Variants in SLC9A9 observed in about 807,000 individuals in gnomAD.
SLC9A9 encodes solute carrier family 9 member A9, also known as sodium/hydrogen exchanger 9.
A neutral mutation model predicts 77.8 loss-of-function variants in SLC9A9; 62 were observed. The ratio of observed to expected loss-of-function variants is 0.80; its 90% CI spans 0.65 to 0.98. The LOEUF (loss-of-function observed/expected upper bound fraction) is 0.98, where lower values mean the gene tolerates loss of function less well. SLC9A9 is among the 50% of genes least tolerant of loss of function. The pLI is 0.00. For missense variants in SLC9A9, 775 were observed against 774.9 expected, an observed-to-expected ratio of 1.00 and a Z score of 0.00; for synonymous variants, 320 against 283.5, an observed-to-expected ratio of 1.13 and a Z score of -1.29.
chr3:143,426,146 A>C (rs1247897419), intron 12 of SLC9A9, among the ~76,000 whole-genome samples: 1 of 152,148 alleles, frequency 6.6e-6, no homozygotes, highest in Non-Finnish European at 1.5e-5. Context: ...ACAAGAGGCA[A>C]TTTTCCCATT....
intron 4 of SLC9A9, among the ~76,000 whole-genome samples, chr3:143,780,348 C>A (rs1212560744): frequency 6.6e-6 from 1 of 152,086 alleles, no homozygotes; most frequent in Non-Finnish European, 1.5e-5. Flanking sequence ...GACGTTGGCA[C>A]ATTACATGCA....
chr3:143,268,191 T>G (rs1937786258), intron 15 of SLC9A9, among the ~76,000 whole-genome samples: 1 of 152,158 alleles, frequency 6.6e-6, no homozygotes, highest in South Asian at 2.1e-4. Context: ...TTCCCTGACC[T>G]CTGATTTGTG....
intron 12 of SLC9A9, among the ~76,000 whole-genome samples, chr3:143,435,364 TTG>T (rs1266154500): frequency 5.3e-5 from 8 of 152,284 alleles, no homozygotes; most frequent in Admixed American, 2.0e-4. Flanking sequence ...TCCAATGGCG[TTG>T]TGTTTCTTAG....
intron 13 of SLC9A9, among the ~76,000 whole-genome samples, chr3:143,372,802 G>T (rs2033087368): frequency 6.6e-6 from 1 of 152,058 alleles, no homozygotes; most frequent in South Asian, 2.1e-4. Context: ...CAAATGACAT[G>T]AATAGACATT....
At chr3:143,647,202 G>T (rs924272852) in intron 6 of SLC9A9, among the ~76,000 whole-genome samples, 2 of 152,172 alleles carry the variant, frequency 1.3e-5, no homozygotes, top group Non-Finnish European at 2.9e-5. Context: ...CCAAGGCGCA[G>T]GGGGATTGAG....
At chr3:143,626,876 CTT>C (rs61283423) in intron 6 of SLC9A9, 84,095 of 144,752 alleles carry the variant, frequency 0.58, 24,095 homozygotes, top group African/African-American at 0.64. Context: ...GCACTAGCTC[CTT>C]TTTTTTTTTT....
chr3:143,564,577 C>T (rs1184756529), intron 8 of SLC9A9, among the ~76,000 whole-genome samples: 1 of 152,042 alleles, frequency 6.6e-6, no homozygotes, highest in African/African-American at 2.4e-5. Context: ...TGAAAGTGAA[C>T]CTGGAACTGA....
intron 4 of SLC9A9, among the ~76,000 whole-genome samples, chr3:143,775,662 C>A (rs1482468198): frequency 6.6e-6 from 1 of 152,188 alleles, no homozygotes; most frequent in Admixed American, 6.5e-5. Context: ...TGGAACGGAA[C>A]TTTAGCTTCC....
intron 6 of SLC9A9, among the ~76,000 whole-genome samples, chr3:143,629,540 G>A (rs139485455): frequency 1.0e-3 from 155 of 151,800 alleles, no homozygotes; most frequent in African/African-American, 3.6e-3. Context: ...TGCTAAATCT[G>A]GTAGCCCTAC....
chr3:143,554,117 T>A (rs2108640692), intron 8 of SLC9A9, among the ~76,000 whole-genome samples: 1 of 152,298 alleles, frequency 6.6e-6, no homozygotes, highest in East Asian at 1.9e-4. Flanking sequence ...AGAGAAGTAG[T>A]GAATAAAAGG....
intron 12 of SLC9A9, among the ~76,000 whole-genome samples, chr3:143,424,801 G>A (rs1435808708): frequency 6.6e-6 from 1 of 152,210 alleles, no homozygotes; most frequent in African/African-American, 2.4e-5. Flanking sequence ...CACAGGTGCT[G>A]GGTTTTAATT....
intron 6 of SLC9A9, among the ~76,000 whole-genome samples, chr3:143,631,468 T>C (rs1382125633): frequency 6.6e-6 from 1 of 152,170 alleles, no homozygotes; most frequent in Non-Finnish European, 1.5e-5. Flanking sequence ...TTGTTCAATA[T>C]TACAGGTGAC....
At chr3:143,381,715 T>C (rs143201364) in intron 13 of SLC9A9, among the ~76,000 whole-genome samples, 151 of 152,338 alleles carry the variant, frequency 9.9e-4, no homozygotes, top group Middle Eastern at 3.4e-3. Flanking sequence ...GCATTGGACA[T>C]ACTTTGTGTA....
chr3:143,736,862 T>C (rs1353289051), intron 4 of SLC9A9, among the ~76,000 whole-genome samples: 1 of 152,208 alleles, frequency 6.6e-6, no homozygotes, highest in Non-Finnish European at 1.5e-5. Context: ...TCACATCTGG[T>C]TTGTAAAGTA....
intron 5 of SLC9A9, among the ~76,000 whole-genome samples, chr3:143,661,445 C>G (rs1320895986): frequency 6.6e-6 from 1 of 152,162 alleles, no homozygotes; most frequent in African/African-American, 2.4e-5. Flanking sequence ...CACTGCTCGA[C>G]CCCACTGTGG....
chr3:143,306,795 C>A (rs971710634), intron 14 of SLC9A9, among the ~76,000 whole-genome samples: 1 of 152,134 alleles, frequency 6.6e-6, no homozygotes. Flanking sequence ...GCAGAAAATG[C>A]AACTCTAGAA....
chr3:143,506,371 C>A (rs565559287), intron 9 of SLC9A9, among the ~76,000 whole-genome samples: 1 of 152,250 alleles, frequency 6.6e-6, no homozygotes, highest in Admixed American at 6.5e-5. Flanking sequence ...ATTTTTGGAC[C>A]TATATAACTG....
chr3:143,696,794 A>T (rs929756633), intron 4 of SLC9A9, among the ~76,000 whole-genome samples: 16 of 152,162 alleles, frequency 1.1e-4, no homozygotes, highest in Non-Finnish European at 2.4e-4. Flanking sequence ...TATTATAAAA[A>T]ATATATGTAT....
chr3:143,721,717 C>T (rs566229836), intron 4 of SLC9A9, among the ~76,000 whole-genome samples: 23 of 152,152 alleles, frequency 1.5e-4, no homozygotes, highest in East Asian at 1.2e-3. Flanking sequence ...GCAGAAGTGA[C>T]GGGTAGATTC....
Sources: allele counts gnomAD v4.1 joint callset (sites outside exome capture counted in the v4.1 genomes callset), GRCh38; gene constraint gnomAD v4.1.1; transcripts MANE v1.5; gene names NCBI Gene and HGNC (gene_info 2026-07-23, HGNC 2026-07-21).